The following ZNF536 variants were observed in gnomAD, a reference collection of about 807,000 sequenced individuals.
ZNF536 encodes zinc finger protein 536.
In ZNF536, 13 loss-of-function variants were observed where a neutral mutation model predicts 84.5. That is an observed-to-expected ratio of 0.15 (90% confidence interval 0.10 to 0.24). The LOEUF is 0.24. Ranked by LOEUF, ZNF536 falls within the 10% of genes least tolerant of loss-of-function variation. The pLI is 1.00. For missense variants in ZNF536, 1,536 were observed against 1,747.5 expected, an observed-to-expected ratio of 0.88 and a Z score of 2.16; for synonymous variants, 811 against 742.5, an observed-to-expected ratio of 1.09 and a Z score of -1.50.
intron 1 of ZNF536, among the ~76,000 whole-genome samples, chr19:30,645,616 TA>T (rs1426962296): frequency 6.6e-6 from 1 of 152,232 alleles, no homozygotes; most frequent in East Asian, 1.9e-4. Context: ...ATGAATGATG[TA>T]AAAGGTAAAT....
intron 2 of ZNF536, among the ~76,000 whole-genome samples, chr19:30,306,465 G>C (rs1391540827): frequency 1.3e-5 from 2 of 152,176 alleles, no homozygotes; most frequent in African/African-American, 4.8e-5. Flanking sequence ...TCTTGGGTTT[G>C]TAACACACTT....
At chr19:30,241,699 G>C (rs906104689) in intron 1 of ZNF536, among the ~76,000 whole-genome samples, 8 of 152,238 alleles carry the variant, frequency 5.3e-5, no homozygotes, top group African/African-American at 1.7e-4. Flanking sequence ...AGCACCACCA[G>C]GCTCTGCAGA....
At chr19:30,379,626 A>T (rs1482374952) in intron 1 of ZNF536, among the ~76,000 whole-genome samples, 1 of 150,944 alleles carries the variant, frequency 6.6e-6, no homozygotes, top group Admixed American at 6.6e-5. Context: ...GAGGGTAGAC[A>T]AGCAGAAGGG....
At chr19:30,654,208 C>T (rs2147489257) in intron 1 of ZNF536, among the ~76,000 whole-genome samples, 1 of 152,296 alleles carries the variant, frequency 6.6e-6, no homozygotes, top group African/African-American at 2.4e-5. Flanking sequence ...CTGCGTGGGG[C>T]CCAGTGGGGA....
At chr19:30,267,235 T>C (rs1451046971) in intron 1 of ZNF536, among the ~76,000 whole-genome samples, 1 of 152,354 alleles carries the variant, frequency 6.6e-6, no homozygotes, top group East Asian at 1.9e-4. Flanking sequence ...TTTCCATTAC[T>C]GTCTATTTCT....
At chr19:30,696,745 C>T (rs1251406991) in intron 1 of ZNF536, among the ~76,000 whole-genome samples, 1 of 152,174 alleles carries the variant, frequency 6.6e-6, no homozygotes, top group Non-Finnish European at 1.5e-5. Flanking sequence ...GAAGCCAACA[C>T]CTGGTGGGGC....
intron 1 of ZNF536, among the ~76,000 whole-genome samples, chr19:30,621,176 A>G (rs1015788079): frequency 6.6e-6 from 1 of 151,960 alleles, no homozygotes; most frequent in African/African-American, 2.4e-5. Flanking sequence ...GCAGGTGGCT[A>G]TGTTTAGTAG....
At chr19:30,470,980 G>A (rs1192885194) in intron 2 of ZNF536, among the ~76,000 whole-genome samples, 2 of 136,302 alleles carry the variant, frequency 1.5e-5, no homozygotes, top group African/African-American at 3.2e-5. Flanking sequence ...GAGCCACTGC[G>A]CCCGGCCTTT....
At chr19:30,491,340 A>G (rs2054501464) in intron 2 of ZNF536, among the ~76,000 whole-genome samples, 1 of 152,134 alleles carries the variant, frequency 6.6e-6, no homozygotes, top group African/African-American at 2.4e-5. Context: ...TTTCTGGGTT[A>G]AGATTGTTCT....
intron 2 of ZNF536, among the ~76,000 whole-genome samples, chr19:30,513,059 T>C (rs1008981782): frequency 2.0e-5 from 3 of 152,240 alleles, no homozygotes; most frequent in East Asian, 3.8e-4. Flanking sequence ...TCATATTTTC[T>C]TTATATGTAC....
At chr19:30,606,508 G>A (rs1049911393) in intron 1 of ZNF536, among the ~76,000 whole-genome samples, 1 of 152,108 alleles carries the variant, frequency 6.6e-6, no homozygotes, top group Non-Finnish European at 1.5e-5. Flanking sequence ...GGTTGGTGCT[G>A]AGCCACCTGA....
At position 30,290,587 on chromosome 19, in the gene ZNF536, C is replaced by A. The variant is rs562924215; in HGVS notation, c.-120+6446C>A. ...GCACCCGGCCCCCTATGTTGTTTATCCACTCACCCATCAATAGACACTTGG... is the reference window on the plus strand; with the variant it reads ...GCACCCGGCCCCCTATGTTGTTTATACACTCACCCATCAATAGACACTTGG... On this transcript the variant is annotated intron_variant, in intron 2 of 5. Transcript: ENST00000585628. 3.5e-3 allele frequency among the ~76,000 whole-genome samples: 534 copies of A among 152,232 alleles called. 2 individuals are homozygous for A. Among genetic ancestry groups the A allele is most frequent in the Non-Finnish European group, 4.6e-3 (314 of 68,000 alleles).
chr19:30,541,397 G>GA (rs34866942), intron 3 of ZNF536, among the ~76,000 whole-genome samples: 2,342 of 137,190 alleles, frequency 0.017, 19 homozygotes, highest in Middle Eastern at 0.024. Flanking sequence ...GAGTAATGAT[G>GA]AAAAAAAAAA....
intron 2 of ZNF536, among the ~76,000 whole-genome samples, chr19:30,327,564 A>G (rs889690100): frequency 1.3e-5 from 2 of 152,254 alleles, no homozygotes; most frequent in African/African-American, 4.8e-5. Flanking sequence ...TGACATTTGC[A>G]TGCCGTAATT....
intron 2 of ZNF536, among the ~76,000 whole-genome samples, chr19:30,484,531 C>G (rs938780374): frequency 7.2e-5 from 11 of 151,750 alleles, no homozygotes; most frequent in African/African-American, 2.2e-4. Context: ...CCACCGCATG[C>G]AGCCTGATTC....
At chr19:30,636,924 A>G (rs909946141) in intron 1 of ZNF536, among the ~76,000 whole-genome samples, 1 of 152,092 alleles carries the variant, frequency 6.6e-6, no homozygotes, top group Non-Finnish European at 1.5e-5. Flanking sequence ...AGGGCTGGAA[A>G]CACAGCCATG....
chr19:30,374,843 G>A (rs1456459166), intron 1 of ZNF536, among the ~76,000 whole-genome samples: 1 of 151,550 alleles, frequency 6.6e-6, no homozygotes, highest in Non-Finnish European at 1.5e-5. Flanking sequence ...GGGTCCGGCC[G>A]GGGGAGCGGA....
At chr19:30,650,509 C>T (rs924323145) in intron 1 of ZNF536, among the ~76,000 whole-genome samples, 1 of 152,048 alleles carries the variant, frequency 6.6e-6, no homozygotes, top group African/African-American at 2.4e-5. Context: ...TTTCTTTTAC[C>T]TATGGGCTTA....
At chr19:30,361,546 G>T (rs2048275046) in intron 3 of ZNF536, among the ~76,000 whole-genome samples, 1 of 152,056 alleles carries the variant, frequency 6.6e-6, no homozygotes, top group South Asian at 2.1e-4. Context: ...CCGGGGAGAG[G>T]CCTGGTGAAG....
Sources: allele counts gnomAD v4.1 joint callset (sites outside exome capture counted in the v4.1 genomes callset), GRCh38; gene constraint gnomAD v4.1.1; transcripts MANE v1.5; gene names NCBI Gene and HGNC (gene_info 2026-07-23, HGNC 2026-07-21).